GALNT13: variants seen among roughly 807,000 people sequenced by gnomAD.
The protein encoded by GALNT13 is polypeptide N-acetylgalactosaminyltransferase 13.
A neutral mutation model predicts 64.2 loss-of-function variants in GALNT13; 28 were observed. The observed-to-expected ratio is 0.44, with a 90% confidence interval of 0.32 to 0.60. The LOEUF (loss-of-function observed/expected upper bound fraction) is 0.60. Ranked by LOEUF, GALNT13 falls within the 20% of genes least tolerant of loss-of-function variation. The pLI, the probability that GALNT13 is intolerant of heterozygous loss-of-function variation, is 0.05. For missense variants in GALNT13, 577 were observed against 669.8 expected (o/e 0.86, Z 1.53); for synonymous variants, 214 against 224.6 (o/e 0.95, Z 0.42).
the GALNT13 span, among the ~76,000 whole-genome samples, chr2:153,179,110 C>T: frequency 6.6e-6 from 1 of 152,106 alleles, no homozygotes; most frequent in Non-Finnish European, 1.5e-5. Context: ...AATATCATTG[C>T]CCAGACCAAT....
chr2:153,982,962 C>T (rs1694566272), intron 3 of GALNT13, among the ~76,000 whole-genome samples: 1 of 151,772 alleles, frequency 6.6e-6, no homozygotes, highest in Non-Finnish European at 1.5e-5. Context: ...AAGAGAAAAA[C>T]ACAGAAGGAC....
intron 1 of GALNT13, among the ~76,000 whole-genome samples, chr2:153,885,322 C>A (rs1445237134): frequency 6.6e-6 from 1 of 151,966 alleles, no homozygotes; most frequent in Non-Finnish European, 1.5e-5. Flanking sequence ...TGATTCTTTA[C>A]TTTGTGTCTA....
At chr2:153,717,167 C>G in the GALNT13 span, among the ~76,000 whole-genome samples, 1 of 152,156 alleles carries the variant, frequency 6.6e-6, no homozygotes, top group Non-Finnish European at 1.5e-5. Context: ...CCCCAATGAA[C>G]ATCTCAAAAT....
chr2:154,323,028 A>G lies in GALNT13; in HGVS notation c.1156+21439A>G, dbSNP rs960993020. ...AAGGAACCTGGCTTCCCCTAGAGCA[A>G]ATGTTTCAAGGGGCCTACACAGGAG... On this transcript the variant is annotated intron_variant, in intron 9 of 12. Transcript: ENST00000392825. Among the ~76,000 whole-genome samples, 5 of 151,946 alleles carry G rather than the reference A, an allele frequency of 3.3e-5. No homozygotes were observed. In the South Asian group the frequency reaches 1.0e-3, roughly 32 times the overall value.
chr2:153,864,575 G>A, the GALNT13 span, among the ~76,000 whole-genome samples: 1 of 152,024 alleles, frequency 6.6e-6, no homozygotes, highest in Non-Finnish European at 1.5e-5. Flanking sequence ...TGAGACACTG[G>A]GGTTTTCTAG....
chr2:154,027,007 G>A (rs1250302232), intron 3 of GALNT13, among the ~76,000 whole-genome samples: 2 of 152,172 alleles, frequency 1.3e-5, no homozygotes, highest in Non-Finnish European at 2.9e-5. Context: ...TAGGGTGAAG[G>A]AGCTGGAGGA....
At chr2:153,515,014 T>C in the GALNT13 span, among the ~76,000 whole-genome samples, 1 of 152,146 alleles carries the variant, frequency 6.6e-6, no homozygotes, top group African/African-American at 2.4e-5. Flanking sequence ...TAAGGGTTTT[T>C]AAGTGTTTTG....
At chr2:153,136,795 G>T in the GALNT13 span, among the ~76,000 whole-genome samples, 90 of 151,220 alleles carry the variant, frequency 6.0e-4, no homozygotes, top group Non-Finnish European at 1.2e-3. Context: ...GGATGTGTGG[G>T]TTATTTTATT....
chr2:154,054,238 C>A (rs923488611), intron 3 of GALNT13, among the ~76,000 whole-genome samples: 20 of 151,712 alleles, frequency 1.3e-4, no homozygotes, highest in Admixed American at 2.6e-4. Context: ...CTCTTCATTG[C>A]CTTGTTTGTA....
chr2:154,357,772 G>A (rs1423701173), intron 9 of GALNT13, among the ~76,000 whole-genome samples: 1 of 152,030 alleles, frequency 6.6e-6, no homozygotes, highest in Non-Finnish European at 1.5e-5. Flanking sequence ...CAGCTGGAGT[G>A]ATGGCAGATG....
chr2:153,338,093 C>T, the GALNT13 span, among the ~76,000 whole-genome samples: 2 of 152,008 alleles, frequency 1.3e-5, no homozygotes, highest in African/African-American at 4.8e-5. Flanking sequence ...GAGTTCAAGA[C>T]CACCCTGGGC....
At chr2:154,308,265 A>T (rs1019800890) in intron 9 of GALNT13, among the ~76,000 whole-genome samples, 2 of 152,128 alleles carry the variant, frequency 1.3e-5, no homozygotes, top group Admixed American at 1.3e-4. Context: ...TTGAAGGTTA[A>T]CTCCCTATTC....
chr2:153,218,384 C>T, the GALNT13 span, among the ~76,000 whole-genome samples: 1 of 152,132 alleles, frequency 6.6e-6, no homozygotes, highest in African/African-American at 2.4e-5. Flanking sequence ...ATTTTTAGCC[C>T]AGCATGTATT....
chr2:154,434,495 G>A (rs186183667), intron 11 of GALNT13, among the ~76,000 whole-genome samples: 5 of 152,198 alleles, frequency 3.3e-5, no homozygotes, highest in Admixed American at 6.5e-5. Flanking sequence ...TCCTGACCTC[G>A]TGATCCATGC....
chr2:153,211,386 A>G, the GALNT13 span, among the ~76,000 whole-genome samples: 1 of 152,032 alleles, frequency 6.6e-6, no homozygotes, highest in Non-Finnish European at 1.5e-5. Context: ...CAGGCAATCC[A>G]CCCATCTTGG....
intron 9 of GALNT13, among the ~76,000 whole-genome samples, chr2:154,372,799 AGT>A (rs1313056362): frequency 2.2e-5 from 3 of 135,572 alleles, no homozygotes; most frequent in Admixed American, 8.0e-5. Flanking sequence ...GAGTTTTCAC[AGT>A]GTGCATACAT....
the GALNT13 span, among the ~76,000 whole-genome samples, chr2:153,228,869 CAAAAAAA>C: frequency 1.5e-5 from 1 of 68,630 alleles, no homozygotes; most frequent in Non-Finnish European, 2.7e-5. Context: ...GAGACTGTCT[CAAAAAAA>C]AAAAAAAAAA....
At chr2:153,958,237 G>T (rs1692709572) in intron 3 of GALNT13, among the ~76,000 whole-genome samples, 1 of 152,126 alleles carries the variant, frequency 6.6e-6, no homozygotes, top group Non-Finnish European at 1.5e-5. Context: ...CCCACTGAGA[G>T]TTGGGAGACT....
At chr2:153,119,342 A>T in the GALNT13 span, among the ~76,000 whole-genome samples, 6 of 152,108 alleles carry the variant, frequency 3.9e-5, no homozygotes, top group Non-Finnish European at 8.8e-5. Flanking sequence ...GTGTAGCCCA[A>T]TACTAGAACC....
Sources: gnomAD v4.1 joint callset for allele counts (sites outside exome capture counted in the v4.1 genomes callset) on GRCh38, gnomAD v4.1.1 for gene constraint, MANE v1.5 for transcripts, NCBI Gene and HGNC (gene_info 2026-07-23, HGNC 2026-07-21) for gene names.